The following XYLT2 variants were observed in gnomAD, a reference collection of about 807,000 sequenced individuals.
The protein encoded by XYLT2 is UDP-D-xylose:proteoglycan core protein beta-D-xylosyltransferase.
A neutral mutation model predicts 82.6 loss-of-function variants in XYLT2; 37 were observed. The observed-to-expected ratio is 0.45, with a 90% CI of 0.34 to 0.59. The LOEUF is 0.59. Ranked by LOEUF, XYLT2 falls within the 20% of genes least tolerant of loss-of-function variation. The pLI, the probability that XYLT2 is intolerant of heterozygous loss-of-function variation, is 0.01. For missense variants in XYLT2, 934 were observed against 1,181.3 expected (o/e 0.79, Z 3.07); for synonymous variants, 474 against 499.0 (o/e 0.95, Z 0.67).
rs1274363934 is a variant in XYLT2, at chr17:50,353,719, C to T, written c.225C>T (p.Gly75=). ...DSSAGRRGST[G]RRHGRWRGRA... ...CAGCAGGGCGACGGGGCAGCACAGG[C>T]AGAAGGCATGGGCGCTGGCGGGGCC... The change falls in exon 2 of 11, where the codon GGC becomes GGT. Residue 75 remains glycine (G), a synonymous_variant. Coordinates refer to ENST00000017003, the MANE Select transcript of XYLT2 (RefSeq NM_022167.4). 10 of 1,560,738 alleles carry T rather than the reference C, an allele frequency of 6.4e-6. No homozygotes were observed. Among genetic ancestry groups the T allele is most frequent in the Non-Finnish European group, 8.7e-6 (10 of 1,152,008 alleles).
chr17:50,351,563 G>A (rs1320512275), intron 1 of XYLT2, among the ~76,000 whole-genome samples: 1 of 152,182 alleles, frequency 6.6e-6, no homozygotes, highest in African/African-American at 2.4e-5. Context: ...GAACCCAGGA[G>A]GCAGAGGTTG....
chr17:50,350,645 GA>G (rs1267521739), intron 1 of XYLT2, among the ~76,000 whole-genome samples: 1 of 152,038 alleles, frequency 6.6e-6, no homozygotes, highest in Non-Finnish European at 1.5e-5. Context: ...AACAAAACAG[GA>G]AAAAAGCCCT....
intron 1 of XYLT2, among the ~76,000 whole-genome samples, chr17:50,350,525 C>CG (rs879423980): frequency 0.31 from 42,242 of 136,318 alleles, 10,049 homozygotes; most frequent in East Asian, 0.76. Context: ...CGAGATTGCA[C>CG]CACTGCACTC....
Position 50,355,770 on chromosome 17 carries a change from G to T in XYLT2, c.1089-11G>T, listed in dbSNP as rs1429613162. Reference sequence around the variant, plus strand: ...CAGGATCCCCAGCCATGGCCTCTCTGCTGCCCACAGGTTCATCAAGAAACA... The same window carrying T: ...CAGGATCCCCAGCCATGGCCTCTCTTCTGCCCACAGGTTCATCAAGAAACA... On this transcript the variant is annotated splice_polypyrimidine_tract_variant and intron_variant, in intron 5 of 10. Transcript: ENST00000017003. The T allele has an allele frequency of 6.2e-7, 1 of 1,613,930 alleles. No homozygotes were observed. The highest frequency in any genetic ancestry group is 8.5e-7 in the Non-Finnish European group (1 of 1,179,942).
At chr17:50,348,445 A>G (rs912842945) in intron 1 of XYLT2, among the ~76,000 whole-genome samples, 1 of 152,232 alleles carries the variant, frequency 6.6e-6, no homozygotes, top group African/African-American at 2.4e-5. Context: ...TGAAAGGACC[A>G]GAGCAAGGGG....
chr17:50,356,180 C>A lies in XYLT2; in HGVS notation c.1401C>A (p.Cys467Ter), dbSNP rs771855738. 1 of 1,614,206 alleles carries A rather than the reference C, an allele frequency of 6.2e-7. No individual in the cohort carries two copies. The highest frequency in any genetic ancestry group is 8.5e-7 in the Non-Finnish European group (1 of 1,180,018). ...CCAACTGGAACCGCAAGCTGGGCTG[C>A]AAGTGCCAGTACAAGCACATTGTGG... is the stretch of plus-strand genomic sequence containing the variant. ...RVTNWNRKLG[C>*]KCQYKHIVDW... The change falls in exon 7 of 11, where the codon TGC (cysteine) becomes TGA (stop). Residue 467 changes from cysteine (C) to a stop codon, truncating the protein, a stop_gained. Coordinates refer to ENST00000017003, the MANE Select transcript of XYLT2 (RefSeq NM_022167.4). LOFTEE classifies it high-confidence loss of function.
rs113835371 is a variant in XYLT2, at chr17:50,353,660, G to A, written c.166G>A (p.Asp56Asn). Residue 56 changes from aspartate to asparagine, a missense_variant, in exon 2 of 11, where the codon GAC becomes AAC. Transcript: ENST00000017003. ...AAGGCAGAGGAAGCCACGGCCACTG[G>A]ACCCTGGCGAGGGTTCCAAGGACAC... is the stretch of plus-strand genomic sequence containing the variant. ...KGRQRKPRPLDPGEGSKDTDS... is the reference protein window; with the variant it reads ...KGRQRKPRPLNPGEGSKDTDS... 0.013 allele frequency: 21,128 copies of A among 1,566,816 alleles called. 183 individuals are homozygous for A. Among genetic ancestry groups the A allele is most frequent in the Non-Finnish European group, 0.016 (18,621 of 1,154,630 alleles).
chr17:50,347,055 GTCCCTGCC>G (rs1287185397), intron 1 of XYLT2: 66 of 476,196 alleles, frequency 1.4e-4, no homozygotes, highest in Non-Finnish European at 5.5e-6. Context: ...CAGCCCCCAA[GTCCCTGCC>G]TCGAGGGTCT....
Position 50,356,191 on chromosome 17 carries a change from A to G in XYLT2, c.1412A>G (p.Tyr471Cys). The change falls in exon 7 of 11, where the codon TAC becomes TGC. Residue 471 changes from tyrosine (Y) to cysteine (C), a missense_variant. This residue lies in a region of XYLT2 where 189 missense variants were observed against 320.8 expected (regional missense o/e 0.59). Coordinates refer to ENST00000017003, the MANE Select transcript of XYLT2 (RefSeq NM_022167.4). The stretch of plus-strand genomic sequence containing the variant: ...CGCAAGCTGGGCTGCAAGTGCCAGT[A>G]CAAGCACATTGTGGACTGGTGTGGC... Reference protein sequence around the residue: ...WNRKLGCKCQYKHIVDWCGCS... With the variant: ...WNRKLGCKCQCKHIVDWCGCS... 1 of 1,614,236 alleles carries G rather than the reference A, an allele frequency of 6.2e-7. No individual in the cohort carries two copies. Among genetic ancestry groups the G allele is most frequent in the Non-Finnish European group, 8.5e-7 (1 of 1,180,030 alleles).
In XYLT2 at chr17:50,353,770, G is replaced by A. The variant is rs754988449; in HGVS notation, c.276G>A (p.Val92=). 1 of 1,559,870 alleles carries A rather than the reference G, an allele frequency of 6.4e-7. No individual in the cohort carries two copies. Among genetic ancestry groups the A allele is most frequent in the African/African-American group, 1.4e-5 (1 of 73,676 alleles). The change falls in exon 2 of 11, where the codon GTG becomes GTA. Residue 92 remains valine, a synonymous_variant. Coordinates refer to ENST00000017003, the MANE Select transcript of XYLT2 (RefSeq NM_022167.4). ...GTGCTGAGAGCCCAGGAGTGCCCGTGGCCAAGGTGGTACGGGCAGTAACCA... is the reference window on the plus strand; with the variant it reads ...GTGCTGAGAGCCCAGGAGTGCCCGTAGCCAAGGTGGTACGGGCAGTAACCA... ...RGRAESPGVP[V]AKVVRAVTSR...
chr17:50,349,920 C>T (rs1650349223), intron 1 of XYLT2, among the ~76,000 whole-genome samples: 1 of 151,854 alleles, frequency 6.6e-6, no homozygotes, highest in Non-Finnish European at 1.5e-5. Context: ...TGGTGGCTCA[C>T]GCCTGTAATC....
rs1938489725 is a variant in XYLT2 at position 50,360,582 on chromosome 17, T to C, written c.*291T>C. ...AATTTCTTTTTTTTCTTTTTTTTTTTTTTTTTTTAATTTAAAAAGGAAAAT... is the reference window on the plus strand; with the variant it reads ...AATTTCTTTTTTTTCTTTTTTTTTTCTTTTTTTTAATTTAAAAAGGAAAAT... On this transcript the variant is annotated 3_prime_UTR_variant, in exon 11 of 11. Transcript: ENST00000017003. The C allele has an allele frequency of 1.0e-5, 12 of 1,178,228 alleles. No homozygotes were observed. The highest frequency in any genetic ancestry group is 1.3e-5 in the Non-Finnish European group (12 of 954,650). 73.0% of individuals were successfully genotyped at this position (1,178,228 alleles called of 1,614,324 possible).
chr17:50,355,190 C>G (rs1298026769), intron 4 of XYLT2, 134 bp downstream of exon 4: 5 of 999,600 alleles, frequency 5.0e-6, no homozygotes, highest in Non-Finnish European at 5.8e-6. Flanking sequence ...GACATGGGCC[C>G]CTGGGCCCCA....
chr17:50,354,692 G>C, intron 3 of XYLT2, 109 bp downstream of exon 3: 1 of 1,518,668 alleles, frequency 6.6e-7, no homozygotes, highest in Non-Finnish European at 8.9e-7. Context: ...GAGGGAAACT[G>C]AGGCCCTGAA....
At chr17:50,356,283 G>A in intron 7 of XYLT2, 22 bp downstream of exon 7, 1 of 1,609,600 alleles carries the variant, frequency 6.2e-7, no homozygotes, top group Non-Finnish European at 8.5e-7. Flanking sequence ...AGGCCCCAAG[G>A]CCCCTGGCTA....
Position 50,356,005 on chromosome 17 carries a change from G to A in XYLT2, c.1305+8G>A. ...ACACTGCTCCCAGCCGAGGTGGGTA[G>A]CCCAGCAGGCATGAAGGCCAGGGAG... On this transcript the variant is annotated splice_region_variant and intron_variant, in intron 6 of 10. Transcript: ENST00000017003. The A allele has an allele frequency of 6.2e-7, 1 of 1,614,200 alleles. No individual in the cohort carries two copies. The highest frequency in any genetic ancestry group is 2.2e-5 in the East Asian group (1 of 44,888).
chr17:50,359,302 G>A (rs759217949), intron 10 of XYLT2: 7 of 152,542 alleles, frequency 4.6e-5, no homozygotes, highest in Non-Finnish European at 8.8e-5. Context: ...ACTCCCCCTG[G>A]GAGCTATGAG....
Position 50,346,790 on chromosome 17 carries a change from A to G in XYLT2, c.135+515A>G, listed in dbSNP as rs1316343364. 7 of 985,116 alleles carry G rather than the reference A, an allele frequency of 7.1e-6. No homozygotes were observed. Among genetic ancestry groups the G allele is most frequent in the Non-Finnish European group, 7.2e-6 (6 of 829,880 alleles). The allele number at this position is 985,116 out of a possible 1,614,324, so 61.0% of individuals were successfully genotyped here. On this transcript the variant is annotated intron_variant, in intron 1 of 10. Transcript: ENST00000017003. This position sits in a 1 kb window ranked among gnomAD's most constrained non-coding sequence, Gnocchi z 5.1. ...CTCGGGGGTGGAATTCAGGCCTGGG[A>G]CAAAGTGTGTACCCGGGAACTGAAG...
chr17:50,356,637 T>C lies in XYLT2; in HGVS notation c.1609T>C (p.Trp537Arg). 6.2e-7 allele frequency: 1 copy of C among 1,614,126 alleles called. No individual in the cohort carries two copies. The highest frequency in any genetic ancestry group is 8.5e-7 in the Non-Finnish European group (1 of 1,180,020). Residue 537 changes from tryptophan to arginine, a missense_variant, in exon 8 of 11, where the codon TGG becomes CGG. Trp to Arg is a moderately radical substitution (Grantham distance 101). Around this residue, in one of 3 missense-constraint regions of XYLT2, gnomAD observed 374 missense variants for 465.6 expected, o/e 0.80. Coordinates refer to ENST00000017003, the MANE Select transcript of XYLT2 (RefSeq NM_022167.4). ...PPGTPALKAYWENTYDAADGP... is the reference protein window; with the variant it reads ...PPGTPALKAYRENTYDAADGP... ...CGGCACGCCAGCCCTCAAGGCCTACTGGGAGAACACCTACGACGCGGCTGA... is the reference window on the plus strand; with the variant it reads ...CGGCACGCCAGCCCTCAAGGCCTACCGGGAGAACACCTACGACGCGGCTGA...
Sources: gnomAD v4.1 joint callset for allele counts (sites outside exome capture counted in the v4.1 genomes callset) on GRCh38, gnomAD v4.1.1 for gene constraint, gnomAD v4.1.1 regional missense constraint, Gnocchi (gnomAD v3.1) non-coding constraint, MANE v1.5 for transcripts, NCBI Gene and HGNC (gene_info 2026-07-23, HGNC 2026-07-21) for gene names.